The following SEMA6D variants were observed in gnomAD, a reference collection of about 807,000 sequenced individuals.
SEMA6D encodes the protein semaphorin-6D.
SEMA6D carries 35 observed loss-of-function variants against 106.6 expected under a neutral mutation model. The ratio of observed to expected loss-of-function variants is 0.33; its 90% CI spans 0.25 to 0.44. SEMA6D has a LOEUF of 0.44. SEMA6D is among the 20% of genes least tolerant of loss of function. The pLI is 1.00. For synonymous variants in SEMA6D, 499 were observed against 487.7 expected, an observed-to-expected ratio of 1.02 and a Z score of -0.31; for missense variants, 1,185 against 1,345.9, an observed-to-expected ratio of 0.88 and a Z score of 1.87.
rs200837827 is a variant in SEMA6D at position 47,771,400 on chromosome 15, A to T, written c.2837A>T (p.Asp946Val). ...LPRNSPTKRV[D>V]VPTTPGVPMT... Reference sequence around the variant, plus strand: ...AGAAATAGCCCAACCAAGCGAGTGGATGTCCCCACCACTCCTGGAGTCCCA... The same window carrying T: ...AGAAATAGCCCAACCAAGCGAGTGGTTGTCCCCACCACTCCTGGAGTCCCA... Residue 946 changes from aspartate to valine, a missense_variant, in exon 19 of 19, where the codon GAT (aspartate) becomes GTT (valine). This residue lies in a region of SEMA6D where 750 missense variants were observed against 783.5 expected (regional missense o/e 0.96). Coordinates refer to ENST00000536845, the MANE Select transcript of SEMA6D (RefSeq NM_001358351.3). 6.2e-7 allele frequency: 1 copy of T among 1,614,060 alleles called. No homozygotes were observed. Among genetic ancestry groups the T allele is most frequent in the African/African-American group, 1.3e-5 (1 of 75,042 alleles).
At chr15:47,348,673 T>TCTCA (rs1485740554) in intron 1 of SEMA6D, among the ~76,000 whole-genome samples, 1 of 105,000 alleles carries the variant, frequency 9.5e-6, no homozygotes, top group Non-Finnish European at 1.8e-5. Context: ...CAAGAGTACA[T>TCTCA]CACACACACA....
chr15:47,398,918 G>A (rs540973793), intron 1 of SEMA6D, among the ~76,000 whole-genome samples: 1 of 152,162 alleles, frequency 6.6e-6, no homozygotes, highest in Admixed American at 6.5e-5. Flanking sequence ...AACTTCCAGC[G>A]GCATAACCTT....
At chr15:47,568,661 A>G (rs1040352817) in intron 3 of SEMA6D, among the ~76,000 whole-genome samples, 1 of 152,158 alleles carries the variant, frequency 6.6e-6, no homozygotes, top group African/African-American at 2.4e-5. Flanking sequence ...ATAAGTATTT[A>G]TTATGTGTCC....
intron 2 of SEMA6D, among the ~76,000 whole-genome samples, chr15:47,456,784 A>C (rs2042357540): frequency 6.6e-6 from 1 of 152,014 alleles, no homozygotes; most frequent in Non-Finnish European, 1.5e-5. Context: ...TCTGAAACAG[A>C]TGGCGGTAGT....
chr15:47,423,739 G>A (rs988194635), intron 2 of SEMA6D, among the ~76,000 whole-genome samples: 4 of 152,020 alleles, frequency 2.6e-5, no homozygotes, highest in Admixed American at 2.0e-4. Flanking sequence ...TCATACTTAA[G>A]GGACCCAGTA....
chr15:47,567,611 C>T (rs780373720), intron 3 of SEMA6D, among the ~76,000 whole-genome samples: 15 of 152,182 alleles, frequency 9.9e-5, no homozygotes, highest in Non-Finnish European at 1.6e-4. Context: ...ACACTTCTTT[C>T]GTATGTGAAC....
intron 4 of SEMA6D, among the ~76,000 whole-genome samples, chr15:47,623,861 T>C (rs1470066738): frequency 6.6e-6 from 1 of 152,140 alleles, no homozygotes; most frequent in African/African-American, 2.4e-5. Context: ...CTCTCTATAA[T>C]CCATTCTTCA....
intron 4 of SEMA6D, among the ~76,000 whole-genome samples, chr15:47,643,431 G>A (rs907320423): frequency 2.0e-5 from 3 of 152,150 alleles, no homozygotes; most frequent in Non-Finnish European, 4.4e-5. Context: ...CTTCAAATAA[G>A]TAACCTAGCT....
intron 3 of SEMA6D, among the ~76,000 whole-genome samples, chr15:47,534,722 A>G (rs1055719344): frequency 6.6e-6 from 1 of 152,062 alleles, no homozygotes; most frequent in African/African-American, 2.4e-5. Context: ...TCCTACATGG[A>G]AGAATTACTT....
chr15:47,288,939 C>T (rs1398157078), intron 1 of SEMA6D, among the ~76,000 whole-genome samples: 1 of 152,130 alleles, frequency 6.6e-6, no homozygotes, highest in East Asian at 1.9e-4. Context: ...ATCCCATTTA[C>T]TTTTCCTGTT....
chr15:47,249,988 G>A (rs917188225), intron 1 of SEMA6D, among the ~76,000 whole-genome samples: 2 of 152,096 alleles, frequency 1.3e-5, no homozygotes, highest in Non-Finnish European at 2.9e-5. Flanking sequence ...ACAAAATAAG[G>A]TGGTATTTCA....
intron 1 of SEMA6D, among the ~76,000 whole-genome samples, chr15:47,395,281 G>A (rs867275998): frequency 6.6e-6 from 1 of 152,130 alleles, no homozygotes. Context: ...TGCTTTTGGG[G>A]ACTGAGAGTT....
rs771463093 is a variant in SEMA6D at position 47,766,112 on chromosome 15, A to G, written c.1576A>G (p.Ile526Val). ...ERYGSCKKSC[I>V]ASRDPYCGWL... The stretch of plus-strand genomic sequence containing the variant: ...CTGTTTGGTTTTACACAGGTCTTGT[A>G]TTGCATCTCGTGACCCGTATTGTGG... The change falls in exon 15 of 19, where the codon ATT becomes GTT. Residue 526 changes from isoleucine to valine, a missense_variant. Transcript: ENST00000536845. The G allele has an allele frequency of 3.1e-6, 5 of 1,613,566 alleles. No homozygotes were observed. The highest frequency in any genetic ancestry group is 4.2e-6 in the Non-Finnish European group (5 of 1,179,736).
At chr15:47,504,953 T>A (rs1325050704) in intron 3 of SEMA6D, among the ~76,000 whole-genome samples, 1 of 152,064 alleles carries the variant, frequency 6.6e-6, no homozygotes, top group African/African-American at 2.4e-5. Context: ...TAAAGGCTTG[T>A]CCCTATCAGG....
At chr15:47,353,033 G>C (rs2038388257) in intron 1 of SEMA6D, among the ~76,000 whole-genome samples, 1 of 151,374 alleles carries the variant, frequency 6.6e-6, no homozygotes, top group Non-Finnish European at 1.5e-5. Flanking sequence ...TTAGGGTTTT[G>C]ATTTGTTTTC....
chr15:47,645,195 G>A (rs1265785340), intron 4 of SEMA6D, among the ~76,000 whole-genome samples: 1 of 152,166 alleles, frequency 6.6e-6, no homozygotes, highest in East Asian at 1.9e-4. Flanking sequence ...GCCTAATTAT[G>A]TGATGCTTTA....
intron 1 of SEMA6D, among the ~76,000 whole-genome samples, chr15:47,409,188 A>G (rs17310823): frequency 0.16 from 24,444 of 152,174 alleles, 2,494 homozygotes; most frequent in Middle Eastern, 0.39. Context: ...TTTCTTGCCT[A>G]TCGTACAGCT....
chr15:47,771,219 C>T lies in SEMA6D; in HGVS notation c.2656C>T (p.Leu886=), dbSNP rs780714025. 24 of 1,613,984 alleles carry T rather than the reference C, an allele frequency of 1.5e-5. No homozygotes were observed. The highest frequency in any genetic ancestry group is 2.0e-5 in the Non-Finnish European group (24 of 1,179,998). The stretch of plus-strand genomic sequence containing the variant: ...TACCCTCAATGATCTCCTGAAGCAT[C>T]TGAATGACCCAAATAGTAACCCCAA... ...RNTLNDLLKH[L]NDPNSNPKAI... The change falls in exon 19 of 19, where the codon CTG becomes TTG. Residue 886 remains leucine, a synonymous_variant. Coordinates refer to ENST00000536845, the MANE Select transcript of SEMA6D (RefSeq NM_001358351.3).
intron 3 of SEMA6D, among the ~76,000 whole-genome samples, chr15:47,547,229 T>C (rs2045551391): frequency 6.6e-6 from 1 of 152,168 alleles, no homozygotes; most frequent in East Asian, 1.9e-4. Context: ...TAAATTAAAA[T>C]TTCCCCAAAT....
Sources: gnomAD v4.1 joint callset for allele counts (sites outside exome capture counted in the v4.1 genomes callset) on GRCh38, gnomAD v4.1.1 for gene constraint, gnomAD v4.1.1 regional missense constraint, MANE v1.5 for transcripts, NCBI Gene and HGNC (gene_info 2026-07-23, HGNC 2026-07-21) for gene names.